CUEDC1: variants seen among roughly 807,000 people sequenced by gnomAD.
CUEDC1 encodes the protein CUE domain-containing protein 1.
A neutral mutation model predicts 43.7 loss-of-function variants in CUEDC1; 30 were observed. The observed-to-expected ratio is 0.69, with a 90% CI of 0.51 to 0.93. The LOEUF (loss-of-function observed/expected upper bound fraction) is 0.93, where lower values mean the gene tolerates loss of function less well. Among genes scored for constraint, CUEDC1 ranks in the 40% least tolerant of loss-of-function variants. The pLI, the probability that CUEDC1 is intolerant of heterozygous loss-of-function variation, is 0.00. For synonymous variants in CUEDC1, 223 were observed against 223.6 expected (o/e 1.00, Z 0.02); for missense variants, 486 against 549.0 (o/e 0.89, Z 1.15).
At chr17:57,921,918 G>T (rs2074702113) in intron 1 of CUEDC1, among the ~76,000 whole-genome samples, 3 of 152,144 alleles carry the variant, frequency 2.0e-5, no homozygotes, top group Admixed American at 2.0e-4. Context: ...TTCAAAACCA[G>T]CCTGGCCAAC....
chr17:57,885,639 C>T lies in CUEDC1; in HGVS notation c.-75G>A, dbSNP rs928463064. 46 of 1,333,696 alleles carry T rather than the reference C, an allele frequency of 3.4e-5. No homozygotes were observed. Among genetic ancestry groups the T allele is most frequent in the African/African-American group, 9.3e-5 (6 of 64,484 alleles). The allele number at this position is 1,333,696 out of a possible 1,614,324, so 82.6% of individuals were successfully genotyped here. On this transcript the variant is annotated 5_prime_UTR_variant, in exon 2 of 11. Coordinates refer to ENST00000577830, the MANE Select transcript of CUEDC1 (RefSeq NM_001271875.2). ...TCCCCAGGGTCTTTCCGCCGTCAGC[C>T]GCTTACTTGCCCTGCGGTCTCGGGC... is the stretch of plus-strand genomic sequence containing the variant.
At chr17:57,869,516 C>A (rs2074007724) in intron 6 of CUEDC1, among the ~76,000 whole-genome samples, 2 of 152,196 alleles carry the variant, frequency 1.3e-5, no homozygotes. Flanking sequence ...AGTATTTCCA[C>A]CATGGAGGTC....
intron 1 of CUEDC1, among the ~76,000 whole-genome samples, chr17:57,887,937 G>A (rs1318261519): frequency 3.5e-5 from 4 of 115,708 alleles, no homozygotes; most frequent in African/African-American, 1.0e-4. Flanking sequence ...GAGTCTGGCT[G>A]TAGCCCAGGC....
At position 57,885,330 on chromosome 17, in the gene CUEDC1, C is replaced by T. The variant is rs1196085417; in HGVS notation, c.235G>A (p.Ala79Thr). The change falls in exon 2 of 11, where the codon GCC (alanine) becomes ACC (threonine). Residue 79 changes from alanine (A) to threonine (T), a missense_variant. Ala to Thr is a moderately conservative substitution (Grantham distance 58). Transcript: ENST00000577830. The part of the protein sequence containing the change: ...VLRANSGAVD[A>T]TIDQLLQMNL... Reference sequence around the variant, plus strand: ...ATCTGCAGCAGCTGGTCGATGGTGGCGTCCACAGCGCCGCTGTTGGCGCGC... The same window carrying T: ...ATCTGCAGCAGCTGGTCGATGGTGGTGTCCACAGCGCCGCTGTTGGCGCGC... The T allele has an allele frequency of 5.6e-6, 9 of 1,611,768 alleles. No homozygotes were observed. In the South Asian group the frequency reaches 8.8e-5, roughly 16 times the overall value.
chr17:57,885,751 GC>G lies in CUEDC1; in HGVS notation c.-188del. 1.1e-6 allele frequency: 1 copy of G among 889,126 alleles called. No individual in the cohort carries two copies. The highest frequency in any genetic ancestry group is 1.5e-6 in the Non-Finnish European group (1 of 669,982). 55.1% of individuals were successfully genotyped at this position (889,126 alleles called of 1,614,324 possible). On this transcript the variant is annotated 5_prime_UTR_variant, in exon 2 of 11. The change creates a premature stop within an existing upstream ORF in the 5' untranslated region. Transcript: ENST00000577830. ...CGGGTTAGGAGAGTACGGGCGCGGG[GC>G]CCCAGGCAGCCCTTGGAGAGCGGTC...
chr17:57,915,364 C>A (rs1350524168), intron 1 of CUEDC1, among the ~76,000 whole-genome samples: 1 of 151,914 alleles, frequency 6.6e-6, no homozygotes, highest in African/African-American at 2.4e-5. Flanking sequence ...GGCAACTGGG[C>A]TCTAGCTCCC....
chr17:57,907,393 C>T (rs954803645), intron 1 of CUEDC1, among the ~76,000 whole-genome samples: 1 of 152,086 alleles, frequency 6.6e-6, no homozygotes, highest in Non-Finnish European at 1.5e-5. Flanking sequence ...GCAGTCTGTC[C>T]TAGAGGACCC....
intron 1 of CUEDC1, among the ~76,000 whole-genome samples, chr17:57,953,366 G>C (rs769366244): frequency 1.3e-5 from 2 of 152,214 alleles, no homozygotes; most frequent in Non-Finnish European, 2.9e-5. Context: ...GCTAGCTGTA[G>C]GGAGCTGGGA....
intron 3 of CUEDC1, 148 bp downstream of exon 3, chr17:57,879,463 T>TCTA: frequency 1.8e-6 from 2 of 1,095,014 alleles, no homozygotes; most frequent in Non-Finnish European, 2.4e-6. Flanking sequence ...CTCCTTGGTA[T>TCTA]CTAGCTAAAA....
chr17:57,908,668 T>A (rs945970622), intron 1 of CUEDC1, among the ~76,000 whole-genome samples: 1 of 152,188 alleles, frequency 6.6e-6, no homozygotes, highest in Non-Finnish European at 1.5e-5. Flanking sequence ...CATTTGTGTG[T>A]GTGCACGCAT....
chr17:57,866,626 T>A, intron 9 of CUEDC1, 82 bp from the exon 10 acceptor site: 1 of 1,372,372 alleles, frequency 7.3e-7, no homozygotes. Context: ...GCAAGAGAGC[T>A]GACCCGACTC....
chr17:57,871,319 C>T lies in CUEDC1; in HGVS notation c.835G>A (p.Gly279Arg), dbSNP rs140715509. The change falls in exon 6 of 11, where the codon GGA (glycine) becomes AGA (arginine). Residue 279 changes from glycine (G) to arginine (R), a missense_variant. Gly to Arg is a moderately radical substitution (Grantham distance 125). Coordinates refer to ENST00000577830, the MANE Select transcript of CUEDC1 (RefSeq NM_001271875.2). ...QKSKSSSVAVGNDFGFSSPVP... is the reference protein window; with the variant it reads ...QKSKSSSVAVRNDFGFSSPVP... Reference sequence around the variant, plus strand: ...GGAGAGGAAAAGCCAAAGTCGTTTCCGACAGCCACGCTGCTGGATTTAGAT... The same window carrying T: ...GGAGAGGAAAAGCCAAAGTCGTTTCTGACAGCCACGCTGCTGGATTTAGAT... The T allele has an allele frequency of 5.0e-5, 80 of 1,613,994 alleles. No individual in the cohort carries two copies. Among genetic ancestry groups the T allele is most frequent in the African/African-American group, 1.2e-4 (9 of 74,934 alleles).
At chr17:57,918,344 C>T (rs751524990) in intron 1 of CUEDC1, among the ~76,000 whole-genome samples, 3 of 152,216 alleles carry the variant, frequency 2.0e-5, no homozygotes, top group Non-Finnish European at 4.4e-5. Flanking sequence ...TCTCCCCTCA[C>T]CAAGGCCCTC....
chr17:57,875,166 C>A (rs538144513), intron 3 of CUEDC1, among the ~76,000 whole-genome samples: 2 of 152,256 alleles, frequency 1.3e-5, no homozygotes, highest in South Asian at 4.1e-4. Flanking sequence ...CTAAGGGACT[C>A]GCAGACCACC....
intron 1 of CUEDC1, among the ~76,000 whole-genome samples, chr17:57,916,658 C>A (rs1395505113): frequency 1.3e-5 from 2 of 151,518 alleles, no homozygotes; most frequent in African/African-American, 4.9e-5. Flanking sequence ...CACTGGGAGC[C>A]CTTTCAGGCC....
chr17:57,868,240 G>C lies in CUEDC1; in HGVS notation c.944C>G (p.Thr315Ser). The change falls in exon 8 of 11, where the codon ACC becomes AGC. Residue 315 changes from threonine (T) to serine (S), a missense_variant. Physicochemically the swap from Thr to Ser is moderately conservative, Grantham distance 58. Coordinates refer to ENST00000577830, the MANE Select transcript of CUEDC1 (RefSeq NM_001271875.2). ...GGCAAGTTCAAACAGTTTCCTCCGG[G>C]TGGCTGGGGGCAGAGAGACCTGTGA... ...RDKLKHMGKS[T>S]RRKLFELARA... The C allele has an allele frequency of 6.2e-7, 1 of 1,614,102 alleles. No homozygotes were observed. Among genetic ancestry groups the C allele is most frequent in the Non-Finnish European group, 8.5e-7 (1 of 1,179,946 alleles).
intron 1 of CUEDC1, among the ~76,000 whole-genome samples, chr17:57,932,566 CAG>C (rs2074817210): frequency 1.9e-5 from 2 of 106,004 alleles, no homozygotes; most frequent in Non-Finnish European, 1.7e-5. Context: ...GCCTGGGTGA[CAG>C]AGCAAGACTC....
chr17:57,917,042 G>A (rs918429776), intron 1 of CUEDC1, among the ~76,000 whole-genome samples: 4 of 152,220 alleles, frequency 2.6e-5, no homozygotes, highest in African/African-American at 9.7e-5. Context: ...AGAGAAAGGT[G>A]AGCAGGCTAA....
In CUEDC1 at chr17:57,938,964, T is replaced by G. The variant is rs1356061257; in HGVS notation, c.-316+16261A>C. ...GCACGAGCCACCGTGCCCAGCCTTT[T>G]TTTTTTTTTTTTTTTTTTTTTGAAA... On this transcript the variant is annotated intron_variant, in intron 1 of 10. Coordinates refer to ENST00000577830, the MANE Select transcript of CUEDC1 (RefSeq NM_001271875.2). Among the ~76,000 whole-genome samples the G allele has an allele frequency of 5.0e-4, 4 of 7,938 alleles. No individual in the cohort carries two copies. The East Asian group carries it at 0.047, about 92-fold the overall frequency. The allele number at this position is 7,938 out of a possible 152,430, so 5.2% of individuals were successfully genotyped here.
Sources: gnomAD v4.1 joint callset for allele counts (sites outside exome capture counted in the v4.1 genomes callset) on GRCh38, gnomAD v4.1.1 for gene constraint, MANE v1.5 for transcripts, NCBI Gene and HGNC (gene_info 2026-07-23, HGNC 2026-07-21) for gene names.